The following NTRK2 variants were observed in gnomAD, a reference collection of about 807,000 sequenced individuals.
NTRK2 encodes the protein neurotrophic receptor tyrosine kinase 2, also known as BDNF/NT-3 growth factors receptor.
NTRK2 carries 13 observed loss-of-function variants against 94.5 expected under a neutral mutation model. The ratio of observed to expected loss-of-function variants is 0.14; its 90% CI spans 0.09 to 0.22. NTRK2 has a LOEUF of 0.22. Ranked by LOEUF, NTRK2 falls within the 10% of genes least tolerant of loss-of-function variation. The probability of loss-of-function intolerance (pLI) is 1.00; values close to 1 mark genes in which losing one functional copy is unlikely to be tolerated. For synonymous variants in NTRK2, 372 were observed against 407.4 expected, an observed-to-expected ratio of 0.91 and a Z score of 1.05; for missense variants, 639 against 1,071.2, an observed-to-expected ratio of 0.60 and a Z score of 5.63.
chr9:84,981,161 A>G (rs577094789), intron 17 of NTRK2, among the ~76,000 whole-genome samples: 9 of 152,062 alleles, frequency 5.9e-5, no homozygotes, highest in Admixed American at 2.0e-4. Context: ...GCTAATTGAA[A>G]CTTCCGCCTC....
rs573392152 is a variant in NTRK2 at position 84,712,197 on chromosome 9, G to T, written c.583+1406G>T. Among the ~76,000 whole-genome samples the T allele has an allele frequency of 2.6e-5, 4 of 152,146 alleles. No individual in the cohort carries two copies. The South Asian group carries it at 8.4e-4, about 32-fold the overall frequency. On this transcript the variant is annotated intron_variant, in intron 6 of 18. Coordinates refer to ENST00000277120, the MANE Select transcript of NTRK2 (RefSeq NM_006180.6). ...TTTCACAAACTGCCTCTTAACAGACGTCTGCTTTGTCCTTGCCTGAAACCA... is the reference window on the plus strand; with the variant it reads ...TTTCACAAACTGCCTCTTAACAGACTTCTGCTTTGTCCTTGCCTGAAACCA...
intron 14 of NTRK2, chr9:84,873,310 C>A (rs917732037): frequency 5.7e-6 from 6 of 1,058,774 alleles, no homozygotes; most frequent in Non-Finnish European, 5.7e-6. Flanking sequence ...CCATGGCCTG[C>A]ACTTTAAAAA....
At chr9:84,715,851 C>T (rs2061681271) in intron 6 of NTRK2, among the ~76,000 whole-genome samples, 1 of 152,172 alleles carries the variant, frequency 6.6e-6, no homozygotes, top group South Asian at 2.1e-4. Flanking sequence ...AGAAACCTTT[C>T]AGTCACCTCC....
chr9:84,896,028 T>A (rs997277946), intron 14 of NTRK2, among the ~76,000 whole-genome samples: 2 of 152,236 alleles, frequency 1.3e-5, no homozygotes, highest in African/African-American at 4.8e-5. Flanking sequence ...CTCTCTTTTC[T>A]CCCACTCTGT....
chr9:84,849,510 G>A (rs2074647784), intron 12 of NTRK2, among the ~76,000 whole-genome samples: 1 of 152,194 alleles, frequency 6.6e-6, no homozygotes, highest in Admixed American at 6.5e-5. Context: ...GAATGCAATG[G>A]TGAAAAGTTG....
chr9:85,022,266 G>A lies in NTRK2; in HGVS notation c.*829G>A, dbSNP rs1473977692. Reference sequence around the variant, plus strand: ...AAAGACTACTGGCCTCTGTGCCATGGATGATTCTTTTCCCATCACCAGAAA... The same window carrying A: ...AAAGACTACTGGCCTCTGTGCCATGAATGATTCTTTTCCCATCACCAGAAA... On this transcript the variant is annotated 3_prime_UTR_variant, in exon 19 of 19. Transcript: ENST00000277120. 2 of 233,102 alleles carry A rather than the reference G, an allele frequency of 8.6e-6. No individual in the cohort carries two copies. The highest frequency in any genetic ancestry group is 5.6e-5 in the Admixed American group (1 of 17,774). 14.4% of individuals were successfully genotyped at this position (233,102 alleles called of 1,614,324 possible). A position where few individuals can be genotyped will look rare whatever the true frequency, so the allele number is the denominator to read the frequency against.
In NTRK2 at chr9:84,681,432, C is replaced by T. The variant is rs75477167; in HGVS notation, c.212+10472C>T. Among the ~76,000 whole-genome samples, 504 of 152,234 alleles carry T rather than the reference C, an allele frequency of 3.3e-3. 18 individuals carry two copies. In the East Asian group the frequency reaches 0.073, roughly 22 times the overall value. On this transcript the variant is annotated intron_variant, in intron 2 of 18. Coordinates refer to ENST00000277120, the MANE Select transcript of NTRK2 (RefSeq NM_006180.6). ...CTAAATCTAATTTTTAATATTTCCA[C>T]TGACATTATTCAATCATTCTTTCAA... is the stretch of plus-strand genomic sequence containing the variant.
intron 12 of NTRK2, among the ~76,000 whole-genome samples, chr9:84,759,505 A>G (rs1054362955): frequency 2.6e-5 from 4 of 152,248 alleles, no homozygotes; most frequent in Non-Finnish European, 4.4e-5. Flanking sequence ...GTTTTCCTGT[A>G]ATGTAGAAAG....
At chr9:84,929,722 C>G (rs867816589) in intron 14 of NTRK2, among the ~76,000 whole-genome samples, 1 of 151,946 alleles carries the variant, frequency 6.6e-6, no homozygotes, top group Non-Finnish European at 1.5e-5. Context: ...CCACCATGTC[C>G]GTTTAATTTT....
chr9:84,680,835 G>A (rs536012511), intron 2 of NTRK2, among the ~76,000 whole-genome samples: 98 of 152,188 alleles, frequency 6.4e-4, no homozygotes, highest in African/African-American at 2.2e-3. Flanking sequence ...GGGCCATATT[G>A]CTCTGTCCTT....
At chr9:85,001,580 G>A (rs531893505) in intron 17 of NTRK2, among the ~76,000 whole-genome samples, 3 of 152,336 alleles carry the variant, frequency 2.0e-5, no homozygotes, top group South Asian at 2.1e-4. Flanking sequence ...TTGGTTTCAG[G>A]TTGGGGATGG....
chr9:84,937,071 T>C (rs1483693481), intron 15 of NTRK2, among the ~76,000 whole-genome samples: 1 of 152,208 alleles, frequency 6.6e-6, no homozygotes, highest in Non-Finnish European at 1.5e-5. Context: ...TGCTCATTTT[T>C]AGGGCTTTAG....
At chr9:84,807,934 G>C (rs2071309991) in intron 12 of NTRK2, among the ~76,000 whole-genome samples, 1 of 152,174 alleles carries the variant, frequency 6.6e-6, no homozygotes, top group Non-Finnish European at 1.5e-5. Flanking sequence ...TGAGGTGAAG[G>C]GGGTGGAAGT....
intron 15 of NTRK2, among the ~76,000 whole-genome samples, chr9:84,938,656 T>C (rs1377416453): frequency 1.3e-5 from 2 of 152,194 alleles, no homozygotes; most frequent in African/African-American, 2.4e-5. Context: ...CACTGCCTCA[T>C]ATGTAGTAGT....
chr9:84,847,629 A>G (rs562032515), intron 12 of NTRK2, among the ~76,000 whole-genome samples: 1 of 152,294 alleles, frequency 6.6e-6, no homozygotes, highest in African/African-American at 2.4e-5. Flanking sequence ...TCGAACACAC[A>G]TCATAGACTT....
intron 10 of NTRK2, among the ~76,000 whole-genome samples, chr9:84,742,891 C>T (rs1411288556): frequency 6.8e-6 from 1 of 147,658 alleles, no homozygotes; most frequent in Non-Finnish European, 1.5e-5. Flanking sequence ...ACCTCCGCCT[C>T]CCGAGTTCAA....
At chr9:84,783,261 G>T (rs1467274726) in intron 12 of NTRK2, among the ~76,000 whole-genome samples, 1 of 152,166 alleles carries the variant, frequency 6.6e-6, no homozygotes, top group Non-Finnish European at 1.5e-5. Context: ...TTATCACAAT[G>T]TATTTTTGTA....
intron 2 of NTRK2, among the ~76,000 whole-genome samples, chr9:84,699,776 T>C (rs768045615): frequency 2.0e-5 from 3 of 152,164 alleles, no homozygotes; most frequent in South Asian, 4.1e-4. Flanking sequence ...TTCTTTTTTT[T>C]CCCACATAGT....
At chr9:84,823,571 C>T (rs146346010) in intron 12 of NTRK2, among the ~76,000 whole-genome samples, 1 of 152,350 alleles carries the variant, frequency 6.6e-6, no homozygotes, top group Non-Finnish European at 1.5e-5. Context: ...CAGGTTGGGA[C>T]AGTCCTGGGC....
Sources: allele counts gnomAD v4.1 joint callset (sites outside exome capture counted in the v4.1 genomes callset), GRCh38; gene constraint gnomAD v4.1.1; transcripts MANE v1.5; gene names NCBI Gene and HGNC (gene_info 2026-07-23, HGNC 2026-07-21).